Variants in CNTN4 observed in about 807,000 individuals in gnomAD.
CNTN4 encodes contactin 4.
In CNTN4, 77 loss-of-function variants were observed where a neutral mutation model predicts 122.5. That is an observed-to-expected ratio of 0.63 (90% CI 0.52 to 0.76). The LOEUF (loss-of-function observed/expected upper bound fraction) is 0.76, where lower values mean the gene tolerates loss of function less well. Ranked by LOEUF, CNTN4 falls within the 30% of genes least tolerant of loss-of-function variation. The pLI is 0.00. For missense variants in CNTN4, 1,256 were observed against 1,259.1 expected, an observed-to-expected ratio of 1.00 and a Z score of 0.04; for synonymous variants, 512 against 447.0, an observed-to-expected ratio of 1.15 and a Z score of -1.83.
chr3:2,239,355 C>T (rs1376512247), intron 2 of CNTN4, among the ~76,000 whole-genome samples: 1 of 152,170 alleles, frequency 6.6e-6, no homozygotes, highest in African/African-American at 2.4e-5. Context: ...AGTCCTAACT[C>T]TGCTAATGCT....
intron 3 of CNTN4, among the ~76,000 whole-genome samples, chr3:2,434,580 A>G (rs2048193930): frequency 6.6e-6 from 1 of 152,156 alleles, no homozygotes; most frequent in Non-Finnish European, 1.5e-5. Flanking sequence ...TTGTTTTGTA[A>G]TTTCCGGGGC....
intron 2 of CNTN4, among the ~76,000 whole-genome samples, chr3:2,106,950 G>A (rs1294879976): frequency 2.6e-5 from 4 of 152,200 alleles, no homozygotes; most frequent in African/African-American, 4.8e-5. Flanking sequence ...CTAAAGCATA[G>A]CAAGAGTGAC....
intron 7 of CNTN4, among the ~76,000 whole-genome samples, chr3:2,861,961 A>G (rs1481103087): frequency 6.6e-6 from 1 of 152,220 alleles, no homozygotes; most frequent in Non-Finnish European, 1.5e-5. Flanking sequence ...AAAGGAACAT[A>G]TGGCTTCCTA....
At chr3:2,794,133 AAAT>A (rs768461930) in intron 6 of CNTN4, among the ~76,000 whole-genome samples, 2 of 152,218 alleles carry the variant, frequency 1.3e-5, no homozygotes, top group Non-Finnish European at 2.9e-5. Context: ...AGTTTGGAAC[AAAT>A]AATGAAAACC....
chr3:2,182,830 GT>G (rs749749344), intron 2 of CNTN4, among the ~76,000 whole-genome samples: 129 of 144,340 alleles, frequency 8.9e-4, no homozygotes, highest in Admixed American at 1.0e-3. Flanking sequence ...CTCAGCACAG[GT>G]TTTTTTTTTT....
intron 3 of CNTN4, among the ~76,000 whole-genome samples, chr3:2,363,340 T>C (rs1441691067): frequency 6.6e-6 from 1 of 152,218 alleles, no homozygotes; most frequent in Admixed American, 6.5e-5. Context: ...GCAGGTGTTT[T>C]GTTTTTCATA....
At chr3:2,919,267 A>T (rs4992239) in intron 12 of CNTN4, among the ~76,000 whole-genome samples, 1 of 149,806 alleles carries the variant, frequency 6.7e-6, no homozygotes, top group African/African-American at 2.5e-5. Context: ...CAGGAGAATC[A>T]CTTGAACCCA....
chr3:3,011,877 CATG>C (rs35457808), intron 14 of CNTN4, among the ~76,000 whole-genome samples: 45,974 of 151,254 alleles, frequency 0.3, 7,514 homozygotes, highest in Middle Eastern at 0.39. Context: ...AAGAGACTTC[CATG>C]ATGATGATGG....
chr3:2,726,031 G>A (rs1374562218), intron 4 of CNTN4, among the ~76,000 whole-genome samples: 4 of 152,168 alleles, frequency 2.6e-5, no homozygotes, highest in African/African-American at 9.7e-5. Flanking sequence ...GATAAAGCTT[G>A]CTTGGGACGG....
At chr3:2,978,071 C>G (rs576737321) in intron 13 of CNTN4, among the ~76,000 whole-genome samples, 4 of 152,196 alleles carry the variant, frequency 2.6e-5, no homozygotes, top group Admixed American at 6.5e-5. Context: ...CAGCAGCAAC[C>G]AACCTGGCCA....
At chr3:2,152,099 C>A (rs1409443162) in intron 2 of CNTN4, among the ~76,000 whole-genome samples, 2 of 152,106 alleles carry the variant, frequency 1.3e-5, no homozygotes, top group African/African-American at 4.8e-5. Context: ...CAAGGTAGGT[C>A]TCATAGAGCA....
intron 2 of CNTN4, among the ~76,000 whole-genome samples, chr3:2,296,923 C>T (rs1045319657): frequency 6.6e-6 from 1 of 151,858 alleles, no homozygotes; most frequent in Non-Finnish European, 1.5e-5. Context: ...TATTTTAAAC[C>T]ATGTTATTTC....
chr3:2,304,770 A>C (rs1246986728), intron 2 of CNTN4, among the ~76,000 whole-genome samples: 2 of 150,530 alleles, frequency 1.3e-5, no homozygotes, highest in Non-Finnish European at 3.0e-5. Context: ...TGGAGACATA[A>C]ATTACAATGG....
At chr3:2,891,953 G>A (rs2094046517) in intron 10 of CNTN4, among the ~76,000 whole-genome samples, 1 of 152,216 alleles carries the variant, frequency 6.6e-6, no homozygotes, top group Admixed American at 6.5e-5. Context: ...GACATTGTTG[G>A]TTAGGACGTA....
chr3:2,306,931 T>C (rs1223991494), intron 2 of CNTN4, among the ~76,000 whole-genome samples: 1 of 152,148 alleles, frequency 6.6e-6, no homozygotes, highest in Non-Finnish European at 1.5e-5. Context: ...ATTGCTAGTG[T>C]ATAGAAATAA....
intron 12 of CNTN4, among the ~76,000 whole-genome samples, chr3:2,911,641 C>T (rs531259783): frequency 9.2e-5 from 14 of 152,130 alleles, no homozygotes; most frequent in South Asian, 6.2e-4. Context: ...CTCATAAAGA[C>T]GCTCAAGGAA....
chr3:2,368,077 G>C (rs762517204), intron 3 of CNTN4, among the ~76,000 whole-genome samples: 1 of 139,578 alleles, frequency 7.2e-6, no homozygotes, highest in Non-Finnish European at 1.5e-5. Flanking sequence ...CTGTCGCCCA[G>C]GCTGGAGTGC....
At chr3:2,737,317 G>A (rs2089182052) in intron 5 of CNTN4, among the ~76,000 whole-genome samples, 1 of 152,100 alleles carries the variant, frequency 6.6e-6, no homozygotes, top group Non-Finnish European at 1.5e-5. Flanking sequence ...CTGACCTCAA[G>A]TGATCTGCCC....
chr3:2,110,688 T>G (rs953725155), intron 2 of CNTN4: 1 of 152,128 alleles, frequency 6.6e-6, no homozygotes, highest in African/African-American at 2.4e-5. Flanking sequence ...GTAAACAGAT[T>G]CGGAGTGAGA....
Sources: allele counts gnomAD v4.1 joint callset (sites outside exome capture counted in the v4.1 genomes callset), GRCh38; gene constraint gnomAD v4.1.1; transcripts MANE v1.5; gene names NCBI Gene and HGNC (gene_info 2026-07-23, HGNC 2026-07-21).